The following CCND1 variants were observed in gnomAD, a reference collection of about 807,000 sequenced individuals.
CCND1 encodes cyclin D1.
In CCND1, 9 loss-of-function variants were observed where a neutral mutation model predicts 26.1. The observed-to-expected ratio is 0.35, with a 90% CI of 0.21 to 0.60. The LOEUF (loss-of-function observed/expected upper bound fraction) is 0.60, where lower values mean the gene tolerates loss of function less well. Ranked by LOEUF, CCND1 falls within the 20% of genes least tolerant of loss-of-function variation. CCND1 has a pLI of 0.79. For missense variants in CCND1, 335 were observed against 392.9 expected, an observed-to-expected ratio of 0.85 and a Z score of 1.25; for synonymous variants, 194 against 166.1, an observed-to-expected ratio of 1.17 and a Z score of -1.29.
rs868561402 is a variant in CCND1 at position 69,641,758 on chromosome 11, C to A, written c.198+247C>A. ...GAAGGGGGTCCGGGAGGGGTGCCTT[C>A]GGGAGAAGCCAGTGCCAGGGGCACC... is the stretch of plus-strand genomic sequence containing the variant. On this transcript the variant is annotated intron_variant, in intron 1 of 4. Coordinates refer to ENST00000227507, the MANE Select transcript of CCND1 (RefSeq NM_053056.3). Among the ~76,000 whole-genome samples, 84 of 151,814 alleles carry A rather than the reference C, an allele frequency of 5.5e-4. 2 individuals carry two copies. Among genetic ancestry groups the A allele is most frequent in the African/African-American group, 1.9e-3 (79 of 41,394 alleles).
intron 4 of CCND1, 61 bp from the exon 5 acceptor site, chr11:69,651,057 T>C (rs1855847144): frequency 6.7e-7 from 1 of 1,499,946 alleles, no homozygotes; most frequent in Non-Finnish European, 9.0e-7. Flanking sequence ...GAAGGGGCCC[T>C]CGCTGCAGGC....
rs1200300205 is a variant in CCND1, at chr11:69,652,277, A to G, written c.*995A>G. The G allele has an allele frequency of 1.3e-5, 3 of 233,530 alleles. No homozygotes were observed. The Admixed American group carries it at 1.7e-4, about 13-fold the overall frequency. 14.5% of individuals were successfully genotyped at this position (233,530 alleles called of 1,614,324 possible). A position where few individuals can be genotyped will look rare whatever the true frequency, so the allele number is the denominator to read the frequency against. Reference sequence around the variant, plus strand: ...TGGTTTGTGTTCTTCTTCATATTCTAAAACCATTCCATTTCCAAGCACTTT... The same window carrying G: ...TGGTTTGTGTTCTTCTTCATATTCTGAAACCATTCCATTTCCAAGCACTTT... On this transcript the variant is annotated 3_prime_UTR_variant, in exon 5 of 5. Transcript: ENST00000227507.
chr11:69,651,756 A>G lies in CCND1; in HGVS notation c.*474A>G. 4.3e-6 allele frequency: 1 copy of G among 233,996 alleles called. No homozygotes were observed. Among genetic ancestry groups the G allele is most frequent in the Non-Finnish European group, 8.4e-6 (1 of 118,574 alleles). The allele number at this position is 233,996 out of a possible 1,614,324, so 14.5% of individuals were successfully genotyped here. A position where few individuals can be genotyped will look rare whatever the true frequency, so the allele number is the denominator to read the frequency against. On this transcript the variant is annotated 3_prime_UTR_variant, in exon 5 of 5. Coordinates refer to ENST00000227507, the MANE Select transcript of CCND1 (RefSeq NM_053056.3). ...AAATTCAGCAAACCATTTTTAAAGT[A>G]GAAGAGGGTTTTAGGTAGAAAAACA... is the stretch of plus-strand genomic sequence containing the variant.
rs977926375 is a variant in CCND1, at chr11:69,653,243, G to A, written c.*1961G>A. The A allele has an allele frequency of 7.1e-6, 5 of 700,970 alleles. No homozygotes were observed. The highest frequency in any genetic ancestry group is 2.0e-5 in the Admixed American group (1 of 49,566). 43.4% of individuals were successfully genotyped at this position (700,970 alleles called of 1,614,324 possible). On this transcript the variant is annotated 3_prime_UTR_variant, in exon 5 of 5. Transcript: ENST00000227507. ...GGCCGCAGCTCCATTTTCTTATTGC[G>A]CTGCTACCGTTGACTTCCAGGCACG...
rs1565073991 is a variant in CCND1 at position 69,651,888 on chromosome 11, A to G, written c.*606A>G. The G allele has an allele frequency of 8.6e-6, 2 of 232,848 alleles. No individual in the cohort carries two copies. The highest frequency in any genetic ancestry group is 6.0e-5 in the East Asian group (1 of 16,572). 14.4% of individuals were successfully genotyped at this position (232,848 alleles called of 1,614,324 possible). Reference sequence around the variant, plus strand: ...GTCACTTTATAAGTCATTGTATGTTATTATATTCCGTAGGTAGATGTGTAA... The same window carrying G: ...GTCACTTTATAAGTCATTGTATGTTGTTATATTCCGTAGGTAGATGTGTAA... On this transcript the variant is annotated 3_prime_UTR_variant, in exon 5 of 5. Coordinates refer to ENST00000227507, the MANE Select transcript of CCND1 (RefSeq NM_053056.3).
At chr11:69,644,491 G>A (rs1319536667) in intron 3 of CCND1, among the ~76,000 whole-genome samples, 1 of 152,300 alleles carries the variant, frequency 6.6e-6, no homozygotes, top group Admixed American at 6.5e-5. Flanking sequence ...CTGGGCAGCC[G>A]AGTGCAGGGG....
At chr11:69,648,503 G>A (rs952983558) in intron 4 of CCND1, among the ~76,000 whole-genome samples, 2 of 152,246 alleles carry the variant, frequency 1.3e-5, no homozygotes, top group African/African-American at 2.4e-5. Context: ...GCCACAATGT[G>A]CGTGGCCAAT....
At chr11:69,643,555 G>T (rs1855739476) in intron 2 of CCND1, among the ~76,000 whole-genome samples, 1 of 152,250 alleles carries the variant, frequency 6.6e-6, no homozygotes, top group African/African-American at 2.4e-5. Context: ...TGAGCCTCCA[G>T]TTCCAGGTGG....
At chr11:69,644,133 C>T (rs773913757) in intron 3 of CCND1, 142 bp downstream of exon 3, 3 of 790,950 alleles carry the variant, frequency 3.8e-6, no homozygotes. Flanking sequence ...GCTCTTCCAG[C>T]TCTGGTGAGC....
intron 3 of CCND1, among the ~76,000 whole-genome samples, chr11:69,646,130 G>A (rs1024906111): frequency 5.9e-5 from 9 of 151,760 alleles, no homozygotes; most frequent in Admixed American, 3.9e-4. Flanking sequence ...CCCTGGAGAC[G>A]GGGGGGTGCA....
intron 2 of CCND1, 143 bp from the exon 3 acceptor site, chr11:69,643,689 C>T: frequency 2.8e-6 from 2 of 708,298 alleles, no homozygotes; most frequent in Non-Finnish European, 2.3e-6. Context: ...GCCCTCCCCT[C>T]CAACATCCAG....
rs112144268 is a variant in CCND1, at chr11:69,653,636, C to T, written c.*2354C>T. The stretch of plus-strand genomic sequence containing the variant: ...GTGCGTGAGAACCGCGCCGGTGTCC[C>T]CAGAGACCAGGCTGTGTCCCTCTTC... On this transcript the variant is annotated 3_prime_UTR_variant, in exon 5 of 5. Transcript: ENST00000227507. 1 of 424,082 alleles carries T rather than the reference C, an allele frequency of 2.4e-6. No homozygotes were observed. The highest frequency in any genetic ancestry group is 2.0e-5 in the African/African-American group (1 of 48,816). 26.3% of individuals were successfully genotyped at this position (424,082 alleles called of 1,614,324 possible).
chr11:69,642,889 G>T lies in CCND1; in HGVS notation c.199-142G>T, dbSNP rs906983539. ...ACGCGCGGGGGAGGGGGCGCATCAC[G>T]GGAAGCTCCTGCCGCCCCCAGCCCC... On this transcript the variant is annotated intron_variant, in intron 1 of 4. Transcript: ENST00000227507. The T allele has an allele frequency of 8.9e-6, 4 of 450,454 alleles. No individual in the cohort carries two copies. The Admixed American group carries it at 1.8e-4, about 20-fold the overall frequency. The allele number at this position is 450,454 out of a possible 1,614,324, so 27.9% of individuals were successfully genotyped here. A position where few individuals can be genotyped will look rare whatever the true frequency, so the allele number is the denominator to read the frequency against.
intron 2 of CCND1, 59 bp downstream of exon 2, chr11:69,643,305 C>T: frequency 7.2e-7 from 1 of 1,396,930 alleles, no homozygotes; most frequent in Non-Finnish European, 9.8e-7. Flanking sequence ...GACCACGGGG[C>T]CGGGGAAGGT....
At chr11:69,650,351 G>A (rs1164607861) in intron 4 of CCND1, among the ~76,000 whole-genome samples, 1 of 152,246 alleles carries the variant, frequency 6.6e-6, no homozygotes, top group African/African-American at 2.4e-5. Flanking sequence ...AGAGGCCCCT[G>A]GCTGGGCGTG....
Position 69,641,522 on chromosome 11 carries a change from T to G in CCND1, c.198+11T>G. The G allele has an allele frequency of 6.2e-7, 1 of 1,612,406 alleles. No homozygotes were observed. The highest frequency in any genetic ancestry group is 1.3e-5 in the African/African-American group (1 of 75,012). ...ACCTGGATGCTGGAGGTGCGGGGCT[T>G]CGGGCGGCTCTCTTAAGACTTCCCT... is the stretch of plus-strand genomic sequence containing the variant. On this transcript the variant is annotated intron_variant, in intron 1 of 4. Transcript: ENST00000227507.
At chr11:69,641,580 T>C (rs1855700557) in intron 1 of CCND1, 69 bp downstream of exon 1, 2 of 1,419,674 alleles carry the variant, frequency 1.4e-6, no homozygotes, top group Admixed American at 1.7e-5. Flanking sequence ...GTTTCTTTGC[T>C]ACTCACCCCC....
chr11:69,647,262 C>G (rs1855794857), intron 3 of CCND1, among the ~76,000 whole-genome samples: 1 of 152,168 alleles, frequency 6.6e-6, no homozygotes, highest in African/African-American at 2.4e-5. Flanking sequence ...TTGGGGTGTA[C>G]TTGGTCTGTG....
chr11:69,644,465 G>T (rs940011617), intron 3 of CCND1, among the ~76,000 whole-genome samples: 1 of 152,176 alleles, frequency 6.6e-6, no homozygotes, highest in Non-Finnish European at 1.5e-5. Flanking sequence ...CTGTCGGCCT[G>T]CCTGCACCAC....
Sources: allele counts gnomAD v4.1 joint callset (sites outside exome capture counted in the v4.1 genomes callset), GRCh38; gene constraint gnomAD v4.1.1; transcripts MANE v1.5; gene names NCBI Gene and HGNC (gene_info 2026-07-23, HGNC 2026-07-21).